The following SF3A1 variants were observed in gnomAD, a reference collection of about 807,000 sequenced individuals.
SF3A1 encodes the protein splicing factor 3a subunit 1.
In SF3A1, 13 loss-of-function variants were observed where a neutral mutation model predicts 89.9. The observed-to-expected ratio is 0.14, with a 90% confidence interval of 0.09 to 0.23. SF3A1 has a LOEUF of 0.23. Ranked by LOEUF, SF3A1 falls within the 10% of genes least tolerant of loss-of-function variation. The pLI is 1.00. For missense variants in SF3A1, 604 were observed against 1,022.1 expected, an observed-to-expected ratio of 0.59 and a Z score of 5.58; for synonymous variants, 405 against 374.4, an observed-to-expected ratio of 1.08 and a Z score of -0.94.
intron 12 of SF3A1, among the ~76,000 whole-genome samples, chr22:30,337,484 T>C (rs1030095958): frequency 1.3e-5 from 2 of 152,176 alleles, no homozygotes; most frequent in African/African-American, 4.8e-5. Flanking sequence ...AGACACTGGC[T>C]ACACCATTTC....
chr22:30,339,348 GGT>G, intron 9 of SF3A1, 97 bp from the exon 10 acceptor site: 2 of 1,480,624 alleles, frequency 1.4e-6, no homozygotes, highest in Middle Eastern at 2.1e-4. Context: ...GGAGGAGGCT[GGT>G]TCCATGGGAT....
At chr22:30,342,486 T>C in intron 5 of SF3A1, 136 bp from the exon 6 acceptor site, 2 of 976,946 alleles carry the variant, frequency 2.0e-6, no homozygotes, top group East Asian at 2.6e-5. Context: ...ACTATGGCAT[T>C]TGCACCTGGT....
At chr22:30,344,638 A>T (rs971940187) in intron 4 of SF3A1, among the ~76,000 whole-genome samples, 28 of 152,360 alleles carry the variant, frequency 1.8e-4, no homozygotes, top group African/African-American at 6.0e-4. Flanking sequence ...TGAAAACGGA[A>T]ATGCACTTAA....
Position 30,353,072 on chromosome 22 carries a change from G to A in SF3A1, c.64C>T (p.Pro22Ser), listed in dbSNP as rs1262665391. The A allele has an allele frequency of 6.2e-7, 1 of 1,613,890 alleles. No individual in the cohort carries two copies. The change falls in exon 2 of 16, where the codon CCC (proline) becomes TCC (serine). Residue 22 changes from proline (P) to serine (S), a missense_variant and splice_region_variant. Transcript: ENST00000215793. ...PPPVPTEPKQ[P>S]TEEEASSKED... ...TTTGAAGATGCTTCTTCTTCTGTGG[G>A]CTGTGCAAACAGGAAAAGAAATAAG...
intron 13 of SF3A1, 56 bp downstream of exon 13, chr22:30,336,970 G>A (rs1204470445): frequency 8.1e-6 from 13 of 1,604,686 alleles, no homozygotes; most frequent in Non-Finnish European, 1.1e-5. Flanking sequence ...GTGTACGACA[G>A]GGGCGGGACT....
chr22:30,350,876 A>C (rs956710393), intron 2 of SF3A1, among the ~76,000 whole-genome samples: 1 of 152,262 alleles, frequency 6.6e-6, no homozygotes. Flanking sequence ...CACTGTCTAA[A>C]TCTGACATGA....
chr22:30,334,977 C>T (rs1418234586), intron 15 of SF3A1, among the ~76,000 whole-genome samples: 1 of 152,212 alleles, frequency 6.6e-6, no homozygotes, highest in African/African-American at 2.4e-5. Flanking sequence ...TCTGAAATCA[C>T]AAGACCTTTA....
chr22:30,356,606 C>T, intron 1 of SF3A1, 124 bp downstream of exon 1: 1 of 715,424 alleles, frequency 1.4e-6, no homozygotes, highest in Non-Finnish European at 2.0e-6. Context: ...GCGGGAAGCG[C>T]GCAGCCTCTT....
In SF3A1 at chr22:30,346,375, G is replaced by A. The variant is rs139459199; in HGVS notation, c.330C>T (p.Ser110=). Residue 110 remains serine, a synonymous_variant, in exon 3 of 16, where the codon TCC becomes TCT. Transcript: ENST00000215793. ...GCTGCATGACCTTGGGGATGGCGGC[G>A]GACGGCTCCTGAGCCTTCCCTTCCT... ...EFKEGKAQEP[S]AAIPKVMQQQ... is the part of the protein sequence containing the mutation. The A allele has an allele frequency of 9.3e-6, 15 of 1,613,892 alleles. No individual in the cohort carries two copies. The highest frequency in any genetic ancestry group is 1.6e-4 in the Middle Eastern group (1 of 6,082).
chr22:30,347,271 T>C lies in SF3A1; in HGVS notation c.186-752A>G, dbSNP rs1931449846. On this transcript the variant is annotated intron_variant, in intron 2 of 15. Transcript: ENST00000215793. ...AGAATCGTGTCACCGTATTCCAGCCTGGAAAACAGAGCAAGACCCTGTCTT... is the reference window on the plus strand; with the variant it reads ...AGAATCGTGTCACCGTATTCCAGCCCGGAAAACAGAGCAAGACCCTGTCTT... Among the ~76,000 whole-genome samples, 4 of 152,288 alleles carry C rather than the reference T, an allele frequency of 2.6e-5. No individual in the cohort carries two copies. In the South Asian group the frequency reaches 8.3e-4, roughly 32 times the overall value.
intron 2 of SF3A1, among the ~76,000 whole-genome samples, chr22:30,352,014 G>A (rs1931611549): frequency 6.6e-6 from 1 of 152,164 alleles, no homozygotes; most frequent in Non-Finnish European, 1.5e-5. Context: ...GGGGAACTCG[G>A]AGCAATTCCC....
intron 2 of SF3A1, among the ~76,000 whole-genome samples, chr22:30,349,691 G>A (rs1381147989): frequency 1.2e-4 from 18 of 148,608 alleles, no homozygotes; most frequent in Non-Finnish European, 4.5e-5. Flanking sequence ...TTTGAGATAG[G>A]GTCTTGCTCT....
chr22:30,356,692 A>G, intron 1 of SF3A1, 38 bp downstream of exon 1: 1 of 1,428,492 alleles, frequency 7.0e-7, no homozygotes, highest in South Asian at 1.4e-5. Flanking sequence ...GCCCAGGCCA[A>G]CCCTCCGGCT....
intron 15 of SF3A1, among the ~76,000 whole-genome samples, chr22:30,335,050 T>C (rs1347829549): frequency 6.6e-6 from 1 of 152,172 alleles, no homozygotes; most frequent in Non-Finnish European, 1.5e-5. Flanking sequence ...CAGGGATTTG[T>C]TCAAGTTCAG....
intron 6 of SF3A1, 65 bp from the exon 7 acceptor site, chr22:30,341,950 C>G (rs1204669531): frequency 6.7e-7 from 1 of 1,500,704 alleles, no homozygotes; most frequent in Non-Finnish European, 9.1e-7. Flanking sequence ...CCTGTCTGAG[C>G]TCCCCAAGGG....
At chr22:30,351,434 G>C (rs769323970) in intron 2 of SF3A1, among the ~76,000 whole-genome samples, 1 of 152,204 alleles carries the variant, frequency 6.6e-6, no homozygotes, top group Non-Finnish European at 1.5e-5. Context: ...GTGGTCCCTG[G>C]AGAACACATG....
intron 2 of SF3A1, among the ~76,000 whole-genome samples, chr22:30,351,494 T>G (rs1312067716): frequency 6.6e-6 from 1 of 152,174 alleles, no homozygotes; most frequent in Non-Finnish European, 1.5e-5. Context: ...AAATCCAGAC[T>G]GATTGTGAAA....
intron 3 of SF3A1, among the ~76,000 whole-genome samples, chr22:30,345,681 G>A (rs1931397046): frequency 1.3e-5 from 2 of 152,202 alleles, no homozygotes; most frequent in Non-Finnish European, 2.9e-5. Flanking sequence ...TGCAACGCAA[G>A]GTCTTAGAAC....
At chr22:30,336,937 G>C (rs1931084284) in intron 13 of SF3A1, 89 bp downstream of exon 13, 2 of 1,504,500 alleles carry the variant, frequency 1.3e-6, no homozygotes, top group African/African-American at 2.7e-5. Flanking sequence ...AAGACTGGGA[G>C]TGAAATAGGG....
Sources: gnomAD v4.1 joint callset for allele counts (sites outside exome capture counted in the v4.1 genomes callset) on GRCh38, gnomAD v4.1.1 for gene constraint, MANE v1.5 for transcripts, NCBI Gene and HGNC (gene_info 2026-07-23, HGNC 2026-07-21) for gene names.